BACH2: variants seen among roughly 807,000 people sequenced by gnomAD.
The protein encoded by BACH2 is transcription regulator protein BACH2.
BACH2 carries 5 observed loss-of-function variants against 61.8 expected under a neutral mutation model. That is an observed-to-expected ratio of 0.08 (90% confidence interval 0.04 to 0.17). BACH2 has a LOEUF of 0.17. Ranked by LOEUF, BACH2 falls within the 10% of genes least tolerant of loss-of-function variation. BACH2 has a pLI of 1.00. For synonymous variants in BACH2, 446 were observed against 440.1 expected, an observed-to-expected ratio of 1.01 and a Z score of -0.17; for missense variants, 824 against 1,091.1, an observed-to-expected ratio of 0.76 and a Z score of 3.45.
chr6:90,064,671 A>G (rs1429475020), intron 5 of BACH2, among the ~76,000 whole-genome samples: 1 of 152,210 alleles, frequency 6.6e-6, no homozygotes, highest in Admixed American at 6.5e-5. Context: ...TAGACAGGAA[A>G]TAACAAATGG....
chr6:89,948,237 C>T (rs1029733728), intron 7 of BACH2, among the ~76,000 whole-genome samples: 4 of 152,018 alleles, frequency 2.6e-5, no homozygotes, highest in Non-Finnish European at 5.9e-5. Context: ...GACAGGGTCT[C>T]ACTTTGTCAC....
intron 3 of BACH2, among the ~76,000 whole-genome samples, chr6:90,225,462 A>G (rs1769881507): frequency 6.6e-6 from 1 of 152,152 alleles, no homozygotes; most frequent in Non-Finnish European, 1.5e-5. Context: ...GATAATCACA[A>G]ATAAGAAACT....
chr6:90,176,611 C>A (rs1425922129), intron 4 of BACH2, among the ~76,000 whole-genome samples: 1 of 152,056 alleles, frequency 6.6e-6, no homozygotes, highest in Non-Finnish European at 1.5e-5. Context: ...AAAAGAGGGG[C>A]CCATCCAAAA....
intron 7 of BACH2, among the ~76,000 whole-genome samples, chr6:89,938,752 C>T (rs1426117781): frequency 4.6e-5 from 7 of 152,136 alleles, no homozygotes; most frequent in Non-Finnish European, 7.3e-5. Context: ...TCTAAAGCCC[C>T]TGAATGAAGA....
chr6:90,027,655 C>T (rs892679029), intron 5 of BACH2, among the ~76,000 whole-genome samples: 39 of 152,174 alleles, frequency 2.6e-4, no homozygotes, highest in African/African-American at 8.7e-4. Flanking sequence ...TCCATTTCTC[C>T]TTCCATCCTT....
At chr6:90,152,720 G>A (rs992721036) in intron 4 of BACH2, among the ~76,000 whole-genome samples, 2 of 152,154 alleles carry the variant, frequency 1.3e-5, no homozygotes, top group South Asian at 2.1e-4. Context: ...CTTAAGTCAC[G>A]TTATTTAGTG....
chr6:89,941,375 C>T (rs964906599), intron 7 of BACH2, among the ~76,000 whole-genome samples: 2 of 152,164 alleles, frequency 1.3e-5, no homozygotes, highest in African/African-American at 4.8e-5. Flanking sequence ...AGCAGGTGAT[C>T]TGATTCAACT....
chr6:90,257,371 C>T (rs1441127883), intron 2 of BACH2, among the ~76,000 whole-genome samples: 1 of 152,214 alleles, frequency 6.6e-6, no homozygotes, highest in African/African-American at 2.4e-5. Flanking sequence ...CCTCCACATC[C>T]TCACCAACAT....
At chr6:90,189,501 G>A (rs952066452) in intron 4 of BACH2, among the ~76,000 whole-genome samples, 6 of 151,806 alleles carry the variant, frequency 4.0e-5, no homozygotes, top group African/African-American at 9.7e-5. Flanking sequence ...CCAGCTACTC[G>A]GGAGGCTGAG....
At chr6:90,240,316 AAAGT>A (rs1433748805) in intron 3 of BACH2, among the ~76,000 whole-genome samples, 70 of 152,340 alleles carry the variant, frequency 4.6e-4, no homozygotes, top group African/African-American at 1.6e-3. Context: ...AATAACTTAT[AAAGT>A]AATTCTAACA....
chr6:90,217,452 T>G (rs1769577179), intron 3 of BACH2, among the ~76,000 whole-genome samples: 3 of 152,144 alleles, frequency 2.0e-5, no homozygotes, highest in African/African-American at 7.2e-5. Flanking sequence ...CACAATAGGG[T>G]TCTAAATAAA....
At chr6:90,230,825 C>G (rs1770072545) in intron 3 of BACH2, among the ~76,000 whole-genome samples, 1 of 152,176 alleles carries the variant, frequency 6.6e-6, no homozygotes, top group South Asian at 2.1e-4. Flanking sequence ...ATGTGTTTTG[C>G]TCAAGATCAC....
intron 4 of BACH2, among the ~76,000 whole-genome samples, chr6:90,166,193 A>C (rs1213690881): frequency 2.6e-5 from 4 of 152,228 alleles, no homozygotes; most frequent in Admixed American, 6.5e-5. Context: ...ATCTACAAAG[A>C]ACTCCAAAAA....
chr6:90,248,311 A>C (rs1332236212), intron 3 of BACH2, among the ~76,000 whole-genome samples: 1 of 152,210 alleles, frequency 6.6e-6, no homozygotes, highest in Non-Finnish European at 1.5e-5. Flanking sequence ...TTTAATAAAA[A>C]ATATTTTTAA....
chr6:90,295,909 C>T (rs1180142743), intron 1 of BACH2, among the ~76,000 whole-genome samples: 2 of 152,122 alleles, frequency 1.3e-5, no homozygotes, highest in Non-Finnish European at 2.9e-5. Context: ...TCCGGGCCAC[C>T]CGGCGGCGGC....
chr6:90,240,495 G>A (rs993380407), intron 3 of BACH2, among the ~76,000 whole-genome samples: 4 of 152,116 alleles, frequency 2.6e-5, no homozygotes, highest in Non-Finnish European at 4.4e-5. Flanking sequence ...GCTATTGTCT[G>A]CTTTACGATA....
intron 1 of BACH2, among the ~76,000 whole-genome samples, chr6:90,274,996 G>T (rs1016275409): frequency 1.3e-5 from 2 of 152,182 alleles, no homozygotes; most frequent in Admixed American, 6.5e-5. Context: ...ACGCAGGGAG[G>T]ACTAGTCTTT....
intron 1 of BACH2, among the ~76,000 whole-genome samples, chr6:90,273,050 G>A (rs1045949259): frequency 6.6e-6 from 1 of 152,166 alleles, no homozygotes; most frequent in Admixed American, 6.5e-5. Context: ...TAACTGCTAT[G>A]TGCCTCAGTC....
intron 4 of BACH2, among the ~76,000 whole-genome samples, chr6:90,186,397 C>T (rs1269681094): frequency 2.0e-5 from 3 of 152,184 alleles, no homozygotes; most frequent in South Asian, 4.1e-4. Context: ...TAAAATATAA[C>T]CAAGGTTACT....
Sources: gnomAD v4.1 joint callset for allele counts (sites outside exome capture counted in the v4.1 genomes callset) on GRCh38, gnomAD v4.1.1 for gene constraint, MANE v1.5 for transcripts, NCBI Gene and HGNC (gene_info 2026-07-23, HGNC 2026-07-21) for gene names.